Variants in CNTNAP2 observed in about 807,000 individuals in gnomAD.
The protein encoded by CNTNAP2 is contactin associated protein 2, also known as contactin-associated protein-like 2.
CNTNAP2 carries 98 observed loss-of-function variants against 155.2 expected under a neutral mutation model. The ratio of observed to expected loss-of-function variants is 0.63; its 90% CI spans 0.54 to 0.75. The LOEUF (loss-of-function observed/expected upper bound fraction) is 0.75, where lower values mean the gene tolerates loss of function less well. CNTNAP2 is among the 30% of genes least tolerant of loss of function. The pLI, the probability that CNTNAP2 is intolerant of heterozygous loss-of-function variation, is 0.00. For missense variants in CNTNAP2, 1,727 were observed against 1,688.1 expected (o/e 1.02, Z -0.40); for synonymous variants, 651 against 631.2 (o/e 1.03, Z -0.47).
intron 13 of CNTNAP2, among the ~76,000 whole-genome samples, chr7:147,781,827 T>C (rs1385726420): frequency 6.6e-6 from 1 of 151,966 alleles, no homozygotes; most frequent in Non-Finnish European, 1.5e-5. Flanking sequence ...ATCGAGACCA[T>C]CCTGGCTAAC....
rs1491463123 is a variant in CNTNAP2, at chr7:147,919,460, T to TTTC, written c.2255+15741_2255+15742insCTT. On this transcript the variant is annotated intron_variant, in intron 14 of 23. Transcript: ENST00000361727. ...ACCATGTCTGGCTACTTTTTCTTTC[T>TTTC]TTTTTTTTTTTTTTTTGAGACAGAG... Among the ~76,000 whole-genome samples, 67 of 50,416 alleles carry TTTC rather than the reference T, an allele frequency of 1.3e-3. 13 individuals are homozygous for TTTC. Among genetic ancestry groups the TTTC allele is most frequent in the African/African-American group, 9.1e-3 (56 of 6,156 alleles). The allele number at this position is 50,416 out of a possible 152,430, so 33.1% of individuals were successfully genotyped here. A position where few individuals can be genotyped will look rare whatever the true frequency, so the allele number is the denominator to read the frequency against.
intron 1 of CNTNAP2, among the ~76,000 whole-genome samples, chr7:146,558,779 C>G (rs1798235582): frequency 6.6e-6 from 1 of 152,178 alleles, no homozygotes; most frequent in South Asian, 2.1e-4. Context: ...TGATCCCACC[C>G]CTGGCAACTA....
chr7:146,885,958 TGTGTGTGTG>T (rs1795649136), intron 3 of CNTNAP2, among the ~76,000 whole-genome samples: 1 of 151,238 alleles, frequency 6.6e-6, no homozygotes, highest in South Asian at 2.1e-4. Context: ...TGTGTGTGTG[TGTGTGTGTG>T]TGTGTGTATG....
chr7:148,196,573 A>G (rs888765776), intron 18 of CNTNAP2, among the ~76,000 whole-genome samples: 5 of 152,218 alleles, frequency 3.3e-5, no homozygotes, highest in African/African-American at 1.2e-4. Flanking sequence ...TTCTAAGTGT[A>G]TTAATTAACT....
intron 13 of CNTNAP2, among the ~76,000 whole-genome samples, chr7:147,767,388 G>A (rs368001535): frequency 4.7e-4 from 72 of 152,072 alleles, no homozygotes; most frequent in South Asian, 1.5e-3. Flanking sequence ...AGAAATTTCC[G>A]TAATACATAT....
chr7:147,022,975 C>T (rs576751581), intron 3 of CNTNAP2, among the ~76,000 whole-genome samples: 3 of 152,018 alleles, frequency 2.0e-5, no homozygotes, highest in South Asian at 4.2e-4. Flanking sequence ...TCTATGGAAC[C>T]GAGAATCATT....
intron 10 of CNTNAP2, among the ~76,000 whole-genome samples, chr7:147,403,565 A>G (rs1391921048): frequency 6.6e-6 from 1 of 152,160 alleles, no homozygotes; most frequent in African/African-American, 2.4e-5. Flanking sequence ...AGGGAGGGTG[A>G]TTGATCAGAC....
intron 3 of CNTNAP2, among the ~76,000 whole-genome samples, chr7:147,023,117 C>A (rs1198400932): frequency 6.6e-6 from 1 of 152,070 alleles, no homozygotes; most frequent in African/African-American, 2.4e-5. Context: ...CTTTTAGAAC[C>A]TTATCGTGTT....
chr7:148,035,276 A>T (rs1353227742), intron 15 of CNTNAP2, among the ~76,000 whole-genome samples: 2 of 152,212 alleles, frequency 1.3e-5, no homozygotes, highest in African/African-American at 4.8e-5. Flanking sequence ...CTATTTATCA[A>T]GACAGTGGGA....
chr7:147,453,625 T>C (rs899744551), intron 10 of CNTNAP2, among the ~76,000 whole-genome samples: 1 of 152,214 alleles, frequency 6.6e-6, no homozygotes, highest in African/African-American at 2.4e-5. Context: ...AAGTGACTTG[T>C]ACAGTAACAC....
intron 11 of CNTNAP2, among the ~76,000 whole-genome samples, chr7:147,491,394 A>G (rs1049099064): frequency 3.9e-5 from 6 of 152,136 alleles, no homozygotes; most frequent in African/African-American, 1.4e-4. Flanking sequence ...CTCAGATTTC[A>G]GCTCAGCAGT....
At chr7:147,940,961 G>T (rs1357499570) in intron 14 of CNTNAP2, among the ~76,000 whole-genome samples, 1 of 152,196 alleles carries the variant, frequency 6.6e-6, no homozygotes, top group African/African-American at 2.4e-5. Flanking sequence ...TCATAAGCTA[G>T]CTTACATTTC....
chr7:146,811,286 G>A (rs928087379), intron 2 of CNTNAP2, among the ~76,000 whole-genome samples: 1 of 152,032 alleles, frequency 6.6e-6, no homozygotes, highest in Admixed American at 6.5e-5. Flanking sequence ...GTTTTTAATG[G>A]GAAGTTTTAA....
intron 3 of CNTNAP2, among the ~76,000 whole-genome samples, chr7:147,042,215 T>C (rs1268193668): frequency 1.3e-5 from 2 of 152,186 alleles, no homozygotes; most frequent in Admixed American, 1.3e-4. Context: ...ACGCAGCTCA[T>C]TTGAGAAAAC....
chr7:146,619,178 A>G (rs1799277713), intron 1 of CNTNAP2, among the ~76,000 whole-genome samples: 1 of 152,170 alleles, frequency 6.6e-6, no homozygotes, highest in African/African-American at 2.4e-5. Flanking sequence ...GTTCATTTTT[A>G]TATGTAAGCA....
chr7:146,689,411 G>T (rs1800659419), intron 1 of CNTNAP2, among the ~76,000 whole-genome samples: 1 of 151,928 alleles, frequency 6.6e-6, no homozygotes, highest in Non-Finnish European at 1.5e-5. Context: ...CAGGGTAGGA[G>T]CTCTCTGGAA....
intron 2 of CNTNAP2, among the ~76,000 whole-genome samples, chr7:146,793,891 T>G (rs1008557801): frequency 6.6e-6 from 1 of 152,212 alleles, no homozygotes; most frequent in Non-Finnish European, 1.5e-5. Context: ...AGGCATTTTG[T>G]TTACTGTTAA....
chr7:146,486,103 C>T (rs1311516719), intron 1 of CNTNAP2, among the ~76,000 whole-genome samples: 3 of 116,846 alleles, frequency 2.6e-5, no homozygotes, highest in African/African-American at 6.9e-5. Flanking sequence ...TTCGCTGTGT[C>T]GCCCAGGCTG....
chr7:146,265,031 C>G (rs531692432), intron 1 of CNTNAP2, among the ~76,000 whole-genome samples: 1 of 152,182 alleles, frequency 6.6e-6, no homozygotes, highest in South Asian at 2.1e-4. Flanking sequence ...GAGAAAAAAA[C>G]AAAGACAATA....
Sources: gnomAD v4.1 joint callset for allele counts (sites outside exome capture counted in the v4.1 genomes callset) on GRCh38, gnomAD v4.1.1 for gene constraint, MANE v1.5 for transcripts, NCBI Gene and HGNC (gene_info 2026-07-23, HGNC 2026-07-21) for gene names.